The following CCDC178 variants were observed in gnomAD, a reference collection of about 807,000 sequenced individuals.
CCDC178 encodes the protein coiled-coil domain containing 178.
In CCDC178, 126 loss-of-function variants were observed where a neutral mutation model predicts 117.4. The observed-to-expected ratio is 1.07, with a 90% confidence interval of 0.93 to 1.24. The LOEUF (loss-of-function observed/expected upper bound fraction) is 1.24. Among genes scored for constraint, CCDC178 ranks in the 50% most tolerant of loss-of-function variants. The pLI is 0.00. For synonymous variants in CCDC178, 283 were observed against 313.4 expected, an observed-to-expected ratio of 0.90 and a Z score of 1.02; for missense variants, 1,030 against 986.9, an observed-to-expected ratio of 1.04 and a Z score of -0.59.
chr18:32,981,860 G>A (rs1188417732), intron 21 of CCDC178, among the ~76,000 whole-genome samples: 1 of 152,122 alleles, frequency 6.6e-6, no homozygotes, highest in African/African-American at 2.4e-5. Context: ...TAACACAGTT[G>A]TTGGTTAGTG....
chr18:33,104,597 T>C (rs1209084917), intron 20 of CCDC178, among the ~76,000 whole-genome samples: 1 of 151,700 alleles, frequency 6.6e-6, no homozygotes, highest in Non-Finnish European at 1.5e-5. Flanking sequence ...TCTTCCCACA[T>C]TAAGGTGTGG....
chr18:33,082,147 A>G (rs1299978285), intron 21 of CCDC178, among the ~76,000 whole-genome samples: 1 of 152,220 alleles, frequency 6.6e-6, no homozygotes, highest in Non-Finnish European at 1.5e-5. Flanking sequence ...TTCTTTTAAT[A>G]GAATCAGGTG....
At chr18:33,291,125 A>G (rs2060161201) in intron 12 of CCDC178, among the ~76,000 whole-genome samples, 1 of 152,150 alleles carries the variant, frequency 6.6e-6, no homozygotes, top group African/African-American at 2.4e-5. Context: ...AGCAGAATTC[A>G]GAAACATTGA....
At chr18:32,996,162 C>T (rs2055503008) in intron 21 of CCDC178, among the ~76,000 whole-genome samples, 1 of 151,340 alleles carries the variant, frequency 6.6e-6, no homozygotes, top group Non-Finnish European at 1.5e-5. Flanking sequence ...ACATGACAAC[C>T]ACACAATATT....
At chr18:33,035,127 G>A (rs1444639453) in intron 21 of CCDC178, among the ~76,000 whole-genome samples, 1 of 151,932 alleles carries the variant, frequency 6.6e-6, no homozygotes, top group Admixed American at 6.6e-5. Flanking sequence ...TTCTAGAGAG[G>A]AGAGATGGTT....
chr18:33,177,810 A>C (rs1465878305), intron 20 of CCDC178, among the ~76,000 whole-genome samples: 3 of 152,084 alleles, frequency 2.0e-5, no homozygotes, highest in Non-Finnish European at 2.9e-5. Flanking sequence ...ACTTTTCTGC[A>C]TTATTTGACA....
intron 20 of CCDC178, among the ~76,000 whole-genome samples, chr18:33,132,165 T>G (rs2058074749): frequency 6.6e-6 from 1 of 151,668 alleles, no homozygotes; most frequent in African/African-American, 2.4e-5. Context: ...GTAAAGTGAG[T>G]ATATTTTTAT....
intron 22 of CCDC178, among the ~76,000 whole-genome samples, chr18:32,958,477 A>G (rs1013862824): frequency 2.0e-5 from 3 of 152,220 alleles, no homozygotes; most frequent in African/African-American, 7.2e-5. Flanking sequence ...ATGTCTATCA[A>G]CACATTTACT....
At position 33,215,596 on chromosome 18, in the gene CCDC178, T is replaced by C. The variant is rs760474921; in HGVS notation, c.2032A>G (p.Lys678Glu). ...TCAAAACTTTTCTTTTCTTCTTCTT[T>C]TGCTTTTAATTCCTCATTCAATTCA... ...INELNEELKA[K>E]EEEKKSFDQT... The change falls in exon 19 of 23, where the codon AAA becomes GAA. Residue 678 changes from lysine (K) to glutamate (E), a missense_variant. Lys to Glu is a moderately conservative substitution (Grantham distance 56, BLOSUM62 1). Coordinates refer to ENST00000383096, the MANE Select transcript of CCDC178 (RefSeq NM_001105528.4). The C allele has an allele frequency of 1.7e-5, 26 of 1,504,500 alleles. No homozygotes were observed. The South Asian group carries it at 2.9e-4, about 17-fold the overall frequency. 93.2% of individuals were successfully genotyped at this position (1,504,500 alleles called of 1,614,324 possible).
chr18:33,030,761 G>C (rs2056325320), intron 21 of CCDC178, among the ~76,000 whole-genome samples: 1 of 151,584 alleles, frequency 6.6e-6, no homozygotes, highest in Admixed American at 6.6e-5. Context: ...AGACATAGAT[G>C]ATAGATGACA....
At chr18:33,113,807 C>T (rs1278833427) in intron 20 of CCDC178, among the ~76,000 whole-genome samples, 2 of 152,030 alleles carry the variant, frequency 1.3e-5, no homozygotes, top group African/African-American at 4.8e-5. Context: ...ATAGAAATTA[C>T]AGGGTTTATA....
chr18:33,311,115 AC>A (rs971823392), intron 11 of CCDC178, among the ~76,000 whole-genome samples: 1 of 152,218 alleles, frequency 6.6e-6, no homozygotes, highest in Non-Finnish European at 1.5e-5. Flanking sequence ...CATCATCCTA[AC>A]TGGGAAGATG....
chr18:33,193,763 C>T (rs140072422), intron 20 of CCDC178, among the ~76,000 whole-genome samples: 10 of 152,192 alleles, frequency 6.6e-5, no homozygotes, highest in South Asian at 2.1e-4. Context: ...ATTTACAGAG[C>T]GGAGTATATT....
chr18:33,354,859 C>A (rs1282460666), intron 7 of CCDC178, among the ~76,000 whole-genome samples: 4 of 152,148 alleles, frequency 2.6e-5, no homozygotes, highest in African/African-American at 9.7e-5. Flanking sequence ...ATCCACCCGC[C>A]TTGGCCTCCC....
chr18:33,429,441 C>T (rs1188903194), intron 2 of CCDC178, among the ~76,000 whole-genome samples: 2 of 151,998 alleles, frequency 1.3e-5, no homozygotes, highest in African/African-American at 4.8e-5. Context: ...CAAGATGAAA[C>T]AAGTTTTGCA....
chr18:33,232,667 G>A (rs4573999), intron 15 of CCDC178, among the ~76,000 whole-genome samples: 1 of 151,960 alleles, frequency 6.6e-6, no homozygotes, highest in Admixed American at 6.6e-5. Flanking sequence ...ATGACACTAT[G>A]TTATCTTTCT....
chr18:33,060,522 G>A (rs377255979), intron 21 of CCDC178, among the ~76,000 whole-genome samples: 1 of 151,314 alleles, frequency 6.6e-6, no homozygotes, highest in Non-Finnish European at 1.5e-5. Context: ...AAACAAATTT[G>A]TACTTTTTAA....
intron 22 of CCDC178, among the ~76,000 whole-genome samples, chr18:32,973,250 T>G (rs1343037877): frequency 6.6e-6 from 1 of 152,130 alleles, no homozygotes; most frequent in African/African-American, 2.4e-5. Flanking sequence ...GAATTTATCA[T>G]TTGTAGATTT....
intron 20 of CCDC178, among the ~76,000 whole-genome samples, chr18:33,157,724 A>T (rs947232957): frequency 3.3e-5 from 5 of 152,010 alleles, no homozygotes; most frequent in Admixed American, 1.3e-4. Context: ...TGATTTTAAG[A>T]TCTCGCTTAT....
Sources: gnomAD v4.1 joint callset for allele counts (sites outside exome capture counted in the v4.1 genomes callset) on GRCh38, gnomAD v4.1.1 for gene constraint, MANE v1.5 for transcripts, NCBI Gene and HGNC (gene_info 2026-07-23, HGNC 2026-07-21) for gene names.